Variants in TSNARE1 observed in about 807,000 individuals in gnomAD.
The protein encoded by TSNARE1 is t-SNARE domain-containing protein 1.
Under a neutral mutation model 62.0 loss-of-function variants are expected in TSNARE1, and 49 were observed. That is an observed-to-expected ratio of 0.79 (90% CI 0.63 to 1.00). TSNARE1 has a LOEUF of 1.00. TSNARE1 is among the 50% of genes least tolerant of loss of function. TSNARE1 has a pLI of 0.00. For missense variants in TSNARE1, 755 were observed against 700.1 expected (o/e 1.08, Z -0.88); for synonymous variants, 328 against 294.4 (o/e 1.11, Z -1.17).
At chr8:142,335,452 C>T (rs188774743) in intron 4 of TSNARE1, among the ~76,000 whole-genome samples, 98 of 152,222 alleles carry the variant, frequency 6.4e-4, no homozygotes, top group African/African-American at 2.1e-3. Context: ...GGACATGATA[C>T]GGTGCTACTT....
At chr8:142,388,218 G>T (rs1018491046) in intron 1 of TSNARE1, among the ~76,000 whole-genome samples, 7 of 151,986 alleles carry the variant, frequency 4.6e-5, no homozygotes, top group African/African-American at 1.4e-4. Flanking sequence ...AATGATTCTT[G>T]ATTTTTTAAA....
intron 12 of TSNARE1, among the ~76,000 whole-genome samples, chr8:142,256,130 TCAC>T (rs1399576300): frequency 3.3e-5 from 2 of 60,172 alleles, no homozygotes; most frequent in African/African-American, 1.4e-4. Flanking sequence ...ACCACCATCA[TCAC>T]CGTCACCACC....
intron 13 of TSNARE1, 75 bp downstream of exon 13, chr8:142,229,398 G>T (rs372117230): frequency 8.4e-7 from 1 of 1,192,188 alleles, no homozygotes; most frequent in Non-Finnish European, 1.3e-6. Flanking sequence ...TGGTTAGATG[G>T]ATGGTGGATA....
chr8:142,278,642 T>C (rs1820896400), intron 11 of TSNARE1: 2 of 985,418 alleles, frequency 2.0e-6, no homozygotes, highest in South Asian at 4.7e-5. Flanking sequence ...AGCGTCACCC[T>C]TGGAGCCAGT....
intron 12 of TSNARE1, among the ~76,000 whole-genome samples, chr8:142,262,284 A>C (rs1019711405): frequency 6.6e-6 from 1 of 151,926 alleles, no homozygotes; most frequent in Non-Finnish European, 1.5e-5. Context: ...TAGATTTGGG[A>C]ATTGGCAGCT....
At chr8:142,396,770 T>C (rs1204762823) in intron 1 of TSNARE1, among the ~76,000 whole-genome samples, 5 of 152,154 alleles carry the variant, frequency 3.3e-5, no homozygotes, top group Admixed American at 1.3e-4. Flanking sequence ...TTCCCAAGGC[T>C]GGGAAGTTTC....
At chr8:142,348,333 A>G (rs1254709781) in intron 2 of TSNARE1, among the ~76,000 whole-genome samples, 1 of 152,162 alleles carries the variant, frequency 6.6e-6, no homozygotes, top group Non-Finnish European at 1.5e-5. Flanking sequence ...TCGTCTCCCT[A>G]AAGCCAGATG....
chr8:142,266,682 A>G (rs1819151061), intron 12 of TSNARE1, among the ~76,000 whole-genome samples: 2 of 152,128 alleles, frequency 1.3e-5, no homozygotes, highest in African/African-American at 2.4e-5. Context: ...TGTGCCCAGG[A>G]AGGTATTTCA....
intron 10 of TSNARE1, among the ~76,000 whole-genome samples, chr8:142,290,598 T>C (rs146321517): frequency 6.6e-6 from 1 of 152,378 alleles, no homozygotes; most frequent in East Asian, 1.9e-4. Context: ...AATTAGGATC[T>C]TGGCAACCAT....
chr8:142,318,881 G>A (rs561130786), intron 6 of TSNARE1, among the ~76,000 whole-genome samples: 15 of 152,064 alleles, frequency 9.9e-5, no homozygotes, highest in African/African-American at 3.4e-4. Flanking sequence ...GAAGGGAACA[G>A]AGACAAGAGC....
At position 142,212,720 on chromosome 8, in the gene TSNARE1, G is replaced by A. The variant is rs79760492; in HGVS notation, c.*12-407C>T. ...CACCGGCCCTCCCTCTCCTGGGCAC[G>A]CTTCCACCTGACTTCCAAGCCCACG... On this transcript the variant is annotated intron_variant, in intron 13 of 13. Transcript: ENST00000524325. Among the ~76,000 whole-genome samples, 1,298 of 151,440 alleles carry A rather than the reference G, an allele frequency of 8.6e-3. 19 individuals are homozygous for A. Among genetic ancestry groups the A allele is most frequent in the African/African-American group, 0.03 (1,219 of 41,210 alleles).
At chr8:142,370,154 T>C (rs1036043804) in intron 1 of TSNARE1, among the ~76,000 whole-genome samples, 1 of 152,242 alleles carries the variant, frequency 6.6e-6, no homozygotes, top group African/African-American at 2.4e-5. Flanking sequence ...ACACCAAATC[T>C]GCTGGCACCT....
In TSNARE1 at chr8:142,385,995, A is replaced by G. The variant is rs1837091416; in HGVS notation, c.-40+17109T>C. Among the ~76,000 whole-genome samples the G allele has an allele frequency of 2.0e-5, 3 of 152,198 alleles. 1 individual carries two copies. Among genetic ancestry groups the G allele is most frequent in the African/African-American group, 7.2e-5 (3 of 41,442 alleles). ...TGGCAGGGGACCACTCTTAGCCCCT[A>G]GAGTCCTTGCATCTAGGGGCCAGCA... On this transcript the variant is annotated intron_variant, in intron 1 of 13. Transcript: ENST00000524325.
At chr8:142,272,864 T>C (rs1156499749) in intron 12 of TSNARE1, 2 of 978,364 alleles carry the variant, frequency 2.0e-6, no homozygotes, top group Non-Finnish European at 2.4e-6. Context: ...ACTTCACAGA[T>C]GCCTCAACCC....
At chr8:142,355,189 C>A (rs1834628683) in intron 1 of TSNARE1, among the ~76,000 whole-genome samples, 1 of 152,224 alleles carries the variant, frequency 6.6e-6, no homozygotes, top group African/African-American at 2.4e-5. Flanking sequence ...GAACCCGGCA[C>A]CCATGCAGCC....
intron 1 of TSNARE1, among the ~76,000 whole-genome samples, chr8:142,400,697 C>A (rs1218404208): frequency 6.6e-6 from 1 of 152,216 alleles, no homozygotes; most frequent in East Asian, 1.9e-4. Flanking sequence ...TAACCCCTAG[C>A]CAACTGTTCT....
intron 11 of TSNARE1, among the ~76,000 whole-genome samples, chr8:142,281,426 G>T (rs917206051): frequency 6.6e-6 from 1 of 151,996 alleles, no homozygotes; most frequent in Non-Finnish European, 1.5e-5. Context: ...CCTGTGGGAG[G>T]GGGGCAAGGT....
chr8:142,236,711 C>G (rs995978108), intron 12 of TSNARE1, among the ~76,000 whole-genome samples: 2 of 152,224 alleles, frequency 1.3e-5, no homozygotes, highest in Admixed American at 1.3e-4. Flanking sequence ...TCTTCCCACC[C>G]TCCCTGAGCA....
At chr8:142,376,345 T>C (rs566682817) in intron 1 of TSNARE1, among the ~76,000 whole-genome samples, 1 of 152,224 alleles carries the variant, frequency 6.6e-6, no homozygotes, top group Non-Finnish European at 1.5e-5. Context: ...TCGTGTCCTC[T>C]GCAAGTTCCC....
Sources: gnomAD v4.1 joint callset for allele counts (sites outside exome capture counted in the v4.1 genomes callset) on GRCh38, gnomAD v4.1.1 for gene constraint, MANE v1.5 for transcripts, NCBI Gene and HGNC (gene_info 2026-07-23, HGNC 2026-07-21) for gene names.